Variants in FNTB observed in about 807,000 individuals in gnomAD.
The protein encoded by FNTB is farnesyltransferase, CAAX box, subunit beta.
Under a neutral mutation model 59.4 loss-of-function variants are expected in FNTB, and 27 were observed. The ratio of observed to expected loss-of-function variants is 0.45; its 90% confidence interval spans 0.34 to 0.63. FNTB has a LOEUF of 0.63. FNTB is among the 20% of genes least tolerant of loss of function. The pLI is 0.02. For missense variants in FNTB, 449 were observed against 559.6 expected, an observed-to-expected ratio of 0.80 and a Z score of 1.99; for synonymous variants, 230 against 220.7, an observed-to-expected ratio of 1.04 and a Z score of -0.37.
intron 11 of FNTB, among the ~76,000 whole-genome samples, chr14:65,060,867 T>C (rs1186552105): frequency 1.4e-5 from 1 of 73,462 alleles, no homozygotes; most frequent in African/African-American, 8.9e-5. Context: ...AGCAAGACTC[T>C]CTCAAAAAAA....
intron 2 of FNTB, among the ~76,000 whole-genome samples, chr14:65,005,851 C>T (rs571798680): frequency 5.9e-5 from 9 of 152,200 alleles, no homozygotes; most frequent in African/African-American, 2.2e-4. Flanking sequence ...CTGTGTTGCT[C>T]AGGCTTGTCT....
rs891609904 is a variant in FNTB, at chr14:64,990,177, T to A, written c.144+3080T>A. 6.6e-6 allele frequency among the ~76,000 whole-genome samples: 1 copy of A among 152,128 alleles called. No individual in the cohort carries two copies. Among genetic ancestry groups the A allele is most frequent in the African/African-American group, 2.4e-5 (1 of 41,408 alleles). ...GGATCATGTAGGGTCTCATTGGCCT[T>A]TGGAAGTACTTTAAAATACCCTGAC... On this transcript the variant is annotated intron_variant, in intron 1 of 11. Transcript: ENST00000246166. This position sits in a 1 kb window ranked among gnomAD's most constrained non-coding sequence, Gnocchi z 5.2.
rs1566857998 is a variant in FNTB, at chr14:64,987,094, A to G, written c.141A>G (p.Glu47=). Residue 47 remains glutamate (E), a synonymous_variant, in exon 1 of 12, where the codon GAA becomes GAG. Coordinates refer to ENST00000246166, the MANE Select transcript of FNTB (RefSeq NM_002028.4). The part of the protein sequence containing the change: ...DDSVETVTSI[E]QAKVEEKIQE... ...CGGTGGAAACAGTCACGTCCATAGA[A>G]CAGGTGAGGTGGCAGGACTGGGCGA... The G allele has an allele frequency of 6.2e-7, 1 of 1,614,126 alleles. No individual in the cohort carries two copies.
chr14:65,056,604 G>T (rs1339936397), intron 11 of FNTB, among the ~76,000 whole-genome samples: 2 of 152,166 alleles, frequency 1.3e-5, no homozygotes, highest in Admixed American at 6.5e-5. Context: ...TCAAATGTTT[G>T]TTGGCCATTT....
At chr14:65,017,903 C>T (rs1471664037) in intron 4 of FNTB, among the ~76,000 whole-genome samples, 1 of 151,962 alleles carries the variant, frequency 6.6e-6, no homozygotes, top group Non-Finnish European at 1.5e-5. Flanking sequence ...TGCAGTGAGT[C>T]GAGATTGCGC....
Position 65,027,735 on chromosome 14 carries a change from C to G in FNTB, c.559C>G (p.Pro187Ala). The change falls in exon 6 of 12, where the codon CCT (proline) becomes GCT (alanine). Residue 187 changes from proline (P) to alanine (A), a missense_variant. Around this residue, in one of 2 missense-constraint regions of FNTB, gnomAD observed 337 missense variants for 479.1 expected, o/e 0.70. Transcript: ENST00000246166. This position sits in a 1 kb window ranked among gnomAD's most constrained non-coding sequence, Gnocchi z 5.7. ...LLQYLYSLKQ[P>A]DGSFLMHVGG... ...TCAGTATTTGTACTCCCTGAAGCAA[C>G]CTGACGGCTCCTTTCTCATGCATGT... The G allele has an allele frequency of 6.2e-7, 1 of 1,614,196 alleles. No individual in the cohort carries two copies.
rs2139656883 is a variant in FNTB, at chr14:65,047,896, A to G, written c.955+3453A>G. On this transcript the variant is annotated intron_variant, in intron 9 of 11. Coordinates refer to ENST00000246166, the MANE Select transcript of FNTB (RefSeq NM_002028.4). This position sits in a 1 kb window ranked among gnomAD's most constrained non-coding sequence, Gnocchi z 5.2. ...CGAGATGTACACAGCTTTTCCTGGA[A>G]CCCTACACAAAACCCCTTGAACAAT... Among the ~76,000 whole-genome samples, 1 of 151,992 alleles carries G rather than the reference A, an allele frequency of 6.6e-6. No individual in the cohort carries two copies. Among genetic ancestry groups the G allele is most frequent in the East Asian group, 1.9e-4 (1 of 5,180 alleles).
chr14:65,034,021 T>G (rs1017156823), intron 7 of FNTB, among the ~76,000 whole-genome samples: 3 of 152,212 alleles, frequency 2.0e-5, no homozygotes, highest in Non-Finnish European at 2.9e-5. Flanking sequence ...GAGATCATGT[T>G]TACTTTTTTG....
chr14:65,022,818 C>G (rs531389377), intron 4 of FNTB, among the ~76,000 whole-genome samples: 7 of 152,254 alleles, frequency 4.6e-5, no homozygotes, highest in African/African-American at 1.7e-4. Flanking sequence ...TTCTTCACAA[C>G]TCGTGGACCC....
In FNTB at chr14:65,044,209, A is replaced by G; in HGVS notation, c.823-102A>G. 5.1e-6 allele frequency: 8 copies of G among 1,583,252 alleles called. No homozygotes were observed. Among genetic ancestry groups the G allele is most frequent in the Non-Finnish European group, 6.0e-6 (7 of 1,166,294 alleles). On this transcript the variant is annotated intron_variant, in intron 8 of 11. Coordinates refer to ENST00000246166, the MANE Select transcript of FNTB (RefSeq NM_002028.4). The surrounding 1 kb of genome is among the most constrained non-coding windows in gnomAD (Gnocchi z 5.5). ...AACTAGAGTGCCAAGAAGCCACAAGATGGGAAACCCTCCATCCCACAGATT... is the reference window on the plus strand; with the variant it reads ...AACTAGAGTGCCAAGAAGCCACAAGGTGGGAAACCCTCCATCCCACAGATT...
chr14:65,016,343 TAAA>T (rs2061773054), intron 4 of FNTB, among the ~76,000 whole-genome samples: 1 of 152,182 alleles, frequency 6.6e-6, no homozygotes, highest in Non-Finnish European at 1.5e-5. Flanking sequence ...ATTTATATAT[TAAA>T]GAAGAAAAGA....
intron 11 of FNTB, among the ~76,000 whole-genome samples, chr14:65,057,456 AT>A (rs1397660060): frequency 6.6e-6 from 1 of 152,154 alleles, no homozygotes; most frequent in Non-Finnish European, 1.5e-5. Context: ...TAATATTTTA[AT>A]TTTGAAGTGG....
chr14:65,054,735 G>A lies in FNTB; in HGVS notation c.1182+46G>A, dbSNP rs183722972. The A allele has an allele frequency of 3.7e-4, 568 of 1,552,888 alleles. No homozygotes were observed. The highest frequency in any genetic ancestry group is 4.4e-4 in the Non-Finnish European group (502 of 1,144,180). On this transcript the variant is annotated intron_variant, in intron 11 of 11. Coordinates refer to ENST00000246166, the MANE Select transcript of FNTB (RefSeq NM_002028.4). This position sits in a 1 kb window ranked among gnomAD's most constrained non-coding sequence, Gnocchi z 4.4. ...CACACCCCTTCTCCACAGGGACCTCGCGGACAGAAGGCTTTCCAAGTAAGC... is the reference window on the plus strand; with the variant it reads ...CACACCCCTTCTCCACAGGGACCTCACGGACAGAAGGCTTTCCAAGTAAGC...
rs890115944 is a variant in FNTB, at chr14:64,997,972, G to A, written c.145-6277G>A. On this transcript the variant is annotated intron_variant, in intron 1 of 11. Coordinates refer to ENST00000246166, the MANE Select transcript of FNTB (RefSeq NM_002028.4). The surrounding 1 kb of genome is among the most constrained non-coding windows in gnomAD (Gnocchi z 4.5). Reference sequence around the variant, plus strand: ...AATCCTTATGCCAAAGAAGCCTATCGTGGGAAGACATATTCTGGTCTCCTA... The same window carrying A: ...AATCCTTATGCCAAAGAAGCCTATCATGGGAAGACATATTCTGGTCTCCTA... Among the ~76,000 whole-genome samples, 4 of 152,146 alleles carry A rather than the reference G, an allele frequency of 2.6e-5. No homozygotes were observed. The highest frequency in any genetic ancestry group is 2.9e-5 in the Non-Finnish European group (2 of 68,036).
intron 1 of FNTB, among the ~76,000 whole-genome samples, 169 bp from the exon 2 acceptor site, chr14:65,004,080 G>A (rs2061546669): frequency 6.6e-6 from 1 of 152,094 alleles, no homozygotes; most frequent in South Asian, 2.1e-4. Flanking sequence ...ATTCCCTCTC[G>A]CCTTGTCCTA....
rs370439296 is a variant in FNTB, at chr14:64,986,910, T to C, written c.-44T>C. 6.6e-5 allele frequency: 107 copies of C among 1,611,340 alleles called. No homozygotes were observed. In the African/African-American group the frequency reaches 1.0e-3, roughly 15 times the overall value. On this transcript the variant is annotated 5_prime_UTR_variant, in exon 1 of 12. Transcript: ENST00000246166. ...CTCGAGTTTCAATGCGCGTTGTTGC[T>C]TAACGAAGCAGAGTCCTACACACTG...
rs1238767189 is a variant in FNTB at position 65,031,615 on chromosome 14, C to T, written c.606-995C>T. ...ACAGGCATGAGCAACTGTGCCCAGC[C>T]TAATAATGCTTTTTTAAAAAATAGC... On this transcript the variant is annotated intron_variant, in intron 6 of 11. Transcript: ENST00000246166. The surrounding 1 kb of genome is among the most constrained non-coding windows in gnomAD (Gnocchi z 4.6). Among the ~76,000 whole-genome samples the T allele has an allele frequency of 6.6e-6, 1 of 151,788 alleles. No homozygotes were observed. The highest frequency in any genetic ancestry group is 1.5e-5 in the Non-Finnish European group (1 of 67,956).
At chr14:65,037,403 C>T (rs8008181) in intron 7 of FNTB, among the ~76,000 whole-genome samples, 27,756 of 29,538 alleles carry the variant, frequency 0.94, 13,582 homozygotes, top group Middle Eastern at 1. Context: ...ACGCCGGGCC[C>T]TTTTTTTTTT....
intron 4 of FNTB, among the ~76,000 whole-genome samples, chr14:65,018,721 A>G (rs1366611754): frequency 6.7e-6 from 1 of 149,728 alleles, no homozygotes; most frequent in African/African-American, 2.5e-5. Flanking sequence ...AAGGCAGGAG[A>G]ATTGCTTGAA....
Sources: gnomAD v4.1 joint callset for allele counts (sites outside exome capture counted in the v4.1 genomes callset) on GRCh38, gnomAD v4.1.1 for gene constraint, gnomAD v4.1.1 regional missense constraint, Gnocchi (gnomAD v3.1) non-coding constraint, MANE v1.5 for transcripts, NCBI Gene and HGNC (gene_info 2026-07-23, HGNC 2026-07-21) for gene names.